AFG3L2: variants seen among roughly 807,000 people sequenced by gnomAD.
AFG3L2 encodes mitochondrial inner membrane m-AAA protease component AFG3L2.
In AFG3L2, 54 loss-of-function variants were observed where a neutral mutation model predicts 94.5. The observed-to-expected ratio is 0.57, with a 90% confidence interval of 0.46 to 0.72. The LOEUF is 0.72. Among genes scored for constraint, AFG3L2 ranks in the 30% least tolerant of loss-of-function variants. The pLI, the probability that AFG3L2 is intolerant of heterozygous loss-of-function variation, is 0.00. For synonymous variants in AFG3L2, 377 were observed against 365.5 expected (o/e 1.03, Z -0.36); for missense variants, 754 against 994.9 (o/e 0.76, Z 3.26).
At chr18:12,352,863 G>A in intron 10 of AFG3L2, 142 bp downstream of exon 10, 1 of 1,129,930 alleles carries the variant, frequency 8.9e-7, no homozygotes, top group African/African-American at 1.5e-5. Context: ...ACTGAGGCAG[G>A]AGGATCGCTT....
intron 1 of AFG3L2, among the ~76,000 whole-genome samples, chr18:12,375,540 G>A (rs1909127851): frequency 1.3e-5 from 2 of 150,210 alleles, no homozygotes; most frequent in Non-Finnish European, 3.0e-5. Flanking sequence ...GGGCAACTGG[G>A]CAAGATGGTG....
intron 16 of AFG3L2, among the ~76,000 whole-genome samples, chr18:12,333,377 G>T: frequency 7.3e-6 from 1 of 137,088 alleles, no homozygotes. Context: ...TTTTCCCCCT[G>T]AAACAGGGTC....
chr18:12,353,966 G>C (rs116638127), intron 9 of AFG3L2, among the ~76,000 whole-genome samples: 1 of 152,050 alleles, frequency 6.6e-6, no homozygotes, highest in Admixed American at 6.5e-5. Context: ...CAAAGAGGGG[G>C]TGACAGCCTT....
chr18:12,370,175 G>A (rs1399125466), intron 3 of AFG3L2, among the ~76,000 whole-genome samples: 1 of 151,594 alleles, frequency 6.6e-6, no homozygotes, highest in Non-Finnish European at 1.5e-5. Context: ...GTGAGGTAAT[G>A]CTCTGAGGAG....
intron 1 of AFG3L2, among the ~76,000 whole-genome samples, chr18:12,373,008 CTG>C (rs747996197): frequency 5.3e-5 from 8 of 152,116 alleles, no homozygotes; most frequent in Non-Finnish European, 1.0e-4. Flanking sequence ...AACCAATGAA[CTG>C]TACATTTAAG....
rs184156596 is a variant in AFG3L2, at chr18:12,370,170, G to A, written c.292+679C>T. ...AGTCTCTCCGAATCCCTAAGGTGAG[G>A]TAATGCTCTGAGGAGCAATTTTTAA... On this transcript the variant is annotated intron_variant, in intron 3 of 16. Transcript: ENST00000269143. Among the ~76,000 whole-genome samples the A allele has an allele frequency of 2.6e-3, 392 of 152,022 alleles. 4 individuals carry two copies. Among genetic ancestry groups the A allele is most frequent in the Admixed American group, 5.8e-3 (89 of 15,264 alleles).
At chr18:12,369,391 G>A in intron 3 of AFG3L2, among the ~76,000 whole-genome samples, 1 of 151,990 alleles carries the variant, frequency 6.6e-6, no homozygotes, top group East Asian at 1.9e-4. Flanking sequence ...GCATTCTTTG[G>A]GCATATATTT....
At chr18:12,341,910 C>T (rs1458462180) in intron 14 of AFG3L2, 3 of 152,160 alleles carry the variant, frequency 2.0e-5, no homozygotes, top group Admixed American at 6.5e-5. Flanking sequence ...TGCAGTGGCA[C>T]GACTGCTGCT....
At chr18:12,365,313 C>G (rs1908772238) in intron 5 of AFG3L2, among the ~76,000 whole-genome samples, 1 of 152,166 alleles carries the variant, frequency 6.6e-6, no homozygotes, top group African/African-American at 2.4e-5. Flanking sequence ...CCTGCCATCC[C>G]AATCAGAAGG....
At chr18:12,347,667 C>T (rs1473496290) in intron 13 of AFG3L2, among the ~76,000 whole-genome samples, 2 of 151,986 alleles carry the variant, frequency 1.3e-5, no homozygotes, top group East Asian at 3.9e-4. Context: ...TCTCCTGCCT[C>T]AGCCTCCCAA....
chr18:12,348,115 T>C (rs1908203695), intron 13 of AFG3L2, among the ~76,000 whole-genome samples, 158 bp downstream of exon 13: 1 of 151,974 alleles, frequency 6.6e-6, no homozygotes, highest in South Asian at 2.1e-4. Flanking sequence ...AGGAGAGGCA[T>C]GGGAGGGGCC....
At chr18:12,349,892 C>T (rs1908259492) in intron 12 of AFG3L2, among the ~76,000 whole-genome samples, 1 of 152,016 alleles carries the variant, frequency 6.6e-6, no homozygotes, top group African/African-American at 2.4e-5. Context: ...GAACTCCTGA[C>T]GTCAGGTGAT....
In AFG3L2 at chr18:12,329,548, G is replaced by A. The variant is rs558448363; in HGVS notation, c.*17C>T. 13 of 1,609,078 alleles carry A rather than the reference G, an allele frequency of 8.1e-6. No individual in the cohort carries two copies. Among genetic ancestry groups the A allele is most frequent in the African/African-American group, 1.3e-5 (1 of 74,882 alleles). ...GAAACCACAGTGGACAGACTGAGAT[G>A]GCCTCCCTCTGGGCCTCTAGTTGGC... On this transcript the variant is annotated 3_prime_UTR_variant, in exon 17 of 17. Transcript: ENST00000269143.
At chr18:12,373,470 G>A (rs79850769) in intron 1 of AFG3L2, among the ~76,000 whole-genome samples, 1,627 of 152,252 alleles carry the variant, frequency 0.011, 11 homozygotes, top group Non-Finnish European at 0.016. Context: ...GCATAACAAT[G>A]TAACCAAACA....
rs917647731 is a variant in AFG3L2 at position 12,377,179 on chromosome 18, C to A, written c.-97G>T. The A allele has an allele frequency of 7.3e-6, 7 of 961,904 alleles. No homozygotes were observed. Among genetic ancestry groups the A allele is most frequent in the South Asian group, 4.6e-5 (3 of 65,044 alleles). 59.6% of individuals were successfully genotyped at this position (961,904 alleles called of 1,614,324 possible). On this transcript the variant is annotated 5_prime_UTR_variant, in exon 1 of 17. Coordinates refer to ENST00000269143, the MANE Select transcript of AFG3L2 (RefSeq NM_006796.3). ...AAGCGGGCTCGGCTCGGGGAAAGGC[C>A]GCCAGGCAGCGAAGCGCGCCGGCGG... is the stretch of plus-strand genomic sequence containing the variant.
chr18:12,348,437 G>T, intron 12 of AFG3L2, 54 bp from the exon 13 acceptor site: 1 of 1,387,686 alleles, frequency 7.2e-7, no homozygotes, highest in Non-Finnish European at 1.0e-6. Context: ...AAACTGATCA[G>T]TCACACAATA....
rs777532002 is a variant in AFG3L2, at chr18:12,377,186, C to T, written c.-104G>A. 2.2e-6 allele frequency: 2 copies of T among 889,770 alleles called. No homozygotes were observed. The highest frequency in any genetic ancestry group is 1.6e-5 in the South Asian group (1 of 63,864). 55.1% of individuals were successfully genotyped at this position (889,770 alleles called of 1,614,324 possible). ...CTCGGCTCGGGGAAAGGCCGCCAGG[C>T]AGCGAAGCGCGCCGGCGGCTCACGG... On this transcript the variant is annotated 5_prime_UTR_variant, in exon 1 of 17. Transcript: ENST00000269143.
intron 16 of AFG3L2, among the ~76,000 whole-genome samples, chr18:12,332,649 A>G (rs1040759278): frequency 2.0e-5 from 3 of 149,454 alleles, no homozygotes; most frequent in African/African-American, 7.4e-5. Flanking sequence ...AGAAAATCCC[A>G]GATGTCATAT....
chr18:12,371,849 T>C (rs1909002060), intron 1 of AFG3L2, among the ~76,000 whole-genome samples, 158 bp from the exon 2 acceptor site: 1 of 152,214 alleles, frequency 6.6e-6, no homozygotes, highest in South Asian at 2.1e-4. Flanking sequence ...TAGGATTACC[T>C]AGCACTAGGC....
Sources: gnomAD v4.1 joint callset for allele counts (sites outside exome capture counted in the v4.1 genomes callset) on GRCh38, gnomAD v4.1.1 for gene constraint, MANE v1.5 for transcripts, NCBI Gene and HGNC (gene_info 2026-07-23, HGNC 2026-07-21) for gene names.